The following EPHA3 variants were observed in gnomAD, a reference collection of about 807,000 sequenced individuals.
EPHA3 encodes ephrin type-A receptor 3.
A neutral mutation model predicts 107.1 loss-of-function variants in EPHA3; 42 were observed. The observed-to-expected ratio is 0.39, with a 90% CI of 0.31 to 0.51. The LOEUF is 0.51. Ranked by LOEUF, EPHA3 falls within the 20% of genes least tolerant of loss-of-function variation. The pLI, the probability that EPHA3 is intolerant of heterozygous loss-of-function variation, is 0.78. For missense variants in EPHA3, 1,183 were observed against 1,211.2 expected (o/e 0.98, Z 0.35); for synonymous variants, 461 against 424.8 (o/e 1.09, Z -1.05).
intron 7 of EPHA3, chr3:89,400,278 C>T (rs1473834351): frequency 5.4e-6 from 1 of 185,094 alleles, no homozygotes; most frequent in African/African-American, 2.4e-5. Context: ...ACTGCAAGCT[C>T]CTGCAAGCTC....
At position 89,399,364 on chromosome 3, in the gene EPHA3, A is replaced by G. The variant is rs1438893531; in HGVS notation, c.1478A>G (p.Asn493Ser). ...SYTILRARGT[N>S]VTISSLKPDT... ...ACCATTCTGAGGGCAAGAGGCACAA[A>G]TGTTACCATCAGTAGCCTCAAGCCT... Residue 493 changes from asparagine to serine, a missense_variant, in exon 7 of 17, where the codon AAT becomes AGT. Transcript: ENST00000336596. 1 of 1,613,942 alleles carries G rather than the reference A, an allele frequency of 6.2e-7. No homozygotes were observed.
rs766626719 is a variant in EPHA3 at position 89,127,237 on chromosome 3, A to G, written c.117A>G (p.Gln39=). 2 of 1,612,410 alleles carry G rather than the reference A, an allele frequency of 1.2e-6. No homozygotes were observed. The highest frequency in any genetic ancestry group is 1.7e-6 in the Non-Finnish European group (2 of 1,178,746). Residue 39 remains glutamine (Q), a synonymous_variant, in exon 2 of 17, where the codon CAA becomes CAG. Coordinates refer to ENST00000336596, the MANE Select transcript of EPHA3 (RefSeq NM_005233.6). ...EVNLLDSKTI[Q]GELGWISYPS... ...ATCTACTGGATTCAAAAACAATTCA[A>G]GGGGAGCTGGGCTGGATCTCTTATC...
chr3:89,208,835 CGTAA>C (rs1390924136), intron 2 of EPHA3, among the ~76,000 whole-genome samples: 2 of 152,006 alleles, frequency 1.3e-5, no homozygotes, highest in Non-Finnish European at 2.9e-5. Flanking sequence ...AAAGTTTTTG[CGTAA>C]GTAACAGAGA....
chr3:89,261,528 A>G (rs1159732333), intron 3 of EPHA3, among the ~76,000 whole-genome samples: 2 of 152,290 alleles, frequency 1.3e-5, no homozygotes, highest in Non-Finnish European at 1.5e-5. Flanking sequence ...TGCATGCTCT[A>G]TAAGAGCAAG....
At chr3:89,234,150 T>G (rs1160065421) in intron 3 of EPHA3, among the ~76,000 whole-genome samples, 1 of 152,184 alleles carries the variant, frequency 6.6e-6, no homozygotes, top group East Asian at 1.9e-4. Flanking sequence ...TTGAAGTGAT[T>G]GTAAATAAAA....
chr3:89,229,975 T>A (rs1704590609), intron 3 of EPHA3, among the ~76,000 whole-genome samples: 1 of 152,124 alleles, frequency 6.6e-6, no homozygotes, highest in Admixed American at 6.6e-5. Flanking sequence ...AATTTTCAAT[T>A]GTTTACACTC....
intron 1 of EPHA3, among the ~76,000 whole-genome samples, chr3:89,123,925 G>A (rs1704028521): frequency 6.6e-6 from 1 of 152,138 alleles, no homozygotes; most frequent in Non-Finnish European, 1.5e-5. Context: ...TGAAATCTGG[G>A]AAGGGGTAAC....
At chr3:89,266,331 A>C (rs1346733498) in intron 3 of EPHA3, among the ~76,000 whole-genome samples, 1 of 152,004 alleles carries the variant, frequency 6.6e-6, no homozygotes, top group Non-Finnish European at 1.5e-5. Flanking sequence ...TAATTACTAC[A>C]CCTTACAGCC....
intron 5 of EPHA3, among the ~76,000 whole-genome samples, chr3:89,384,046 A>G (rs1173216265): frequency 2.0e-5 from 3 of 152,044 alleles, no homozygotes; most frequent in Non-Finnish European, 2.9e-5. Flanking sequence ...TATACTTTCA[A>G]TAGTTGTCCC....
chr3:89,437,000 C>T (rs1709685095), intron 13 of EPHA3, among the ~76,000 whole-genome samples: 1 of 152,064 alleles, frequency 6.6e-6, no homozygotes, highest in African/African-American at 2.4e-5. Context: ...TTCCATTATA[C>T]AATGTTATTA....
intron 3 of EPHA3, among the ~76,000 whole-genome samples, chr3:89,250,937 G>A (rs1213972518): frequency 6.6e-6 from 1 of 152,128 alleles, no homozygotes; most frequent in Non-Finnish European, 1.5e-5. Flanking sequence ...GTGTGTCCAA[G>A]TAAGCTCTGC....
intron 15 of EPHA3, among the ~76,000 whole-genome samples, chr3:89,459,415 C>G (rs1453457751): frequency 6.6e-6 from 1 of 151,858 alleles, no homozygotes; most frequent in Non-Finnish European, 1.5e-5. Context: ...TTCTCTTCCT[C>G]TTTTTCTTAC....
intron 2 of EPHA3, among the ~76,000 whole-genome samples, chr3:89,193,553 T>C (rs1705767549): frequency 6.6e-6 from 1 of 151,958 alleles, no homozygotes; most frequent in African/African-American, 2.4e-5. Flanking sequence ...TAAAATATTA[T>C]ATAGTTTCAA....
At chr3:89,232,053 A>G (rs1704647663) in intron 3 of EPHA3, among the ~76,000 whole-genome samples, 2 of 152,000 alleles carry the variant, frequency 1.3e-5, no homozygotes, top group South Asian at 4.1e-4. Flanking sequence ...TCTTTATGTA[A>G]CTCACAGGAG....
At chr3:89,132,543 A>C (rs1704228747) in intron 2 of EPHA3, among the ~76,000 whole-genome samples, 1 of 152,198 alleles carries the variant, frequency 6.6e-6, no homozygotes, top group Non-Finnish European at 1.5e-5. Context: ...TTTCCATTCT[A>C]TCTCTACCAC....
rs376198703 is a variant in EPHA3 at position 89,209,151 on chromosome 3, C to A, written c.154-709C>A. 3.3e-5 allele frequency among the ~76,000 whole-genome samples: 5 copies of A among 152,174 alleles called. No homozygotes were observed. The South Asian group carries it at 1.0e-3, about 31-fold the overall frequency. Reference sequence around the variant, plus strand: ...CCTTAACTGCTATAACAACAAAACCCCAAATATCTATCTATTTCTTGACTA... The same window carrying A: ...CCTTAACTGCTATAACAACAAAACCACAAATATCTATCTATTTCTTGACTA... On this transcript the variant is annotated intron_variant, in intron 2 of 16. Transcript: ENST00000336596.
chr3:89,123,176 G>T (rs1256684608), intron 1 of EPHA3, among the ~76,000 whole-genome samples: 10 of 151,994 alleles, frequency 6.6e-5, no homozygotes, highest in Admixed American at 6.6e-4. Context: ...AGATAGTTTC[G>T]CTCTGTTTCC....
intron 3 of EPHA3, among the ~76,000 whole-genome samples, chr3:89,315,388 A>G (rs149809851): frequency 1.4e-4 from 22 of 151,932 alleles, no homozygotes; most frequent in Non-Finnish European, 3.1e-4. Context: ...TGTAAGTGCT[A>G]CAGTTCAGAG....
intron 1 of EPHA3, among the ~76,000 whole-genome samples, chr3:89,109,391 T>G (rs916412146): frequency 2.6e-5 from 4 of 152,042 alleles, no homozygotes; most frequent in African/African-American, 9.7e-5. Flanking sequence ...TTTAAAAATT[T>G]TTGTTCTTTG....
Sources: gnomAD v4.1 joint callset for allele counts (sites outside exome capture counted in the v4.1 genomes callset) on GRCh38, gnomAD v4.1.1 for gene constraint, MANE v1.5 for transcripts, NCBI Gene and HGNC (gene_info 2026-07-23, HGNC 2026-07-21) for gene names.